The following TBC1D22A variants were observed in gnomAD, a reference collection of about 807,000 sequenced individuals.
TBC1D22A encodes putative GTPase activator.
Under a neutral mutation model 60.2 loss-of-function variants are expected in TBC1D22A, and 38 were observed. The observed-to-expected ratio is 0.63, with a 90% CI of 0.49 to 0.83. The LOEUF is 0.83. TBC1D22A is among the 40% of genes least tolerant of loss of function. The pLI is 0.00. For synonymous variants in TBC1D22A, 302 were observed against 281.7 expected (o/e 1.07, Z -0.72); for missense variants, 628 against 701.0 (o/e 0.90, Z 1.18).
intron 4 of TBC1D22A, among the ~76,000 whole-genome samples, chr22:46,839,435 A>G (rs1198818078): frequency 6.6e-6 from 1 of 152,138 alleles, no homozygotes; most frequent in East Asian, 1.9e-4. Flanking sequence ...CAGTTGGTAA[A>G]AGGAAATAAA....
chr22:46,857,654 A>C (rs1182633422), intron 4 of TBC1D22A, among the ~76,000 whole-genome samples: 2 of 148,094 alleles, frequency 1.4e-5, no homozygotes. Flanking sequence ...GTCGTTCCCC[A>C]CTCCCCCAAT....
chr22:46,807,835 G>GCTCAT (rs1385165113), intron 4 of TBC1D22A, among the ~76,000 whole-genome samples: 1 of 152,208 alleles, frequency 6.6e-6, no homozygotes, highest in African/African-American at 2.4e-5. Context: ...AGGTGAAGTA[G>GCTCAT]CTCATACTTG....
At chr22:46,897,875 T>C (rs1263354226) in intron 7 of TBC1D22A, among the ~76,000 whole-genome samples, 2 of 150,986 alleles carry the variant, frequency 1.3e-5, no homozygotes, top group Middle Eastern at 6.4e-3. Context: ...CGTTTAAACT[T>C]TGACATTTCT....
At chr22:46,808,829 C>T (rs61551941) in intron 4 of TBC1D22A, among the ~76,000 whole-genome samples, 1,534 of 152,272 alleles carry the variant, frequency 0.01, 23 homozygotes, top group African/African-American at 0.035. Context: ...CTCCTGACCT[C>T]GTGATCCACC....
intron 8 of TBC1D22A, among the ~76,000 whole-genome samples, chr22:46,920,431 A>G (rs2070684791): frequency 6.6e-6 from 1 of 152,186 alleles, no homozygotes; most frequent in African/African-American, 2.4e-5. Flanking sequence ...TCCTATGACA[A>G]TTATACCTTA....
At chr22:47,039,935 CTTTTTT>C (rs570751261) in intron 11 of TBC1D22A, among the ~76,000 whole-genome samples, 8 of 77,282 alleles carry the variant, frequency 1.0e-4, no homozygotes, top group African/African-American at 2.5e-4. Flanking sequence ...GTGCCACAGC[CTTTTTT>C]TTTTTTTTTT....
At chr22:46,781,731 CTTGTGCACA>C (rs1298548732) in intron 1 of TBC1D22A, among the ~76,000 whole-genome samples, 1 of 152,204 alleles carries the variant, frequency 6.6e-6, no homozygotes, top group Non-Finnish European at 1.5e-5. Context: ...TATCTTGTCC[CTTGTGCACA>C]TTGTTCCACT....
At chr22:47,077,056 G>GTAA (rs570245441) in intron 11 of TBC1D22A, among the ~76,000 whole-genome samples, 2 of 152,208 alleles carry the variant, frequency 1.3e-5, no homozygotes, top group South Asian at 4.1e-4. Context: ...TTGGCAAAAT[G>GTAA]TAATCACATG....
chr22:46,984,402 A>G (rs1044251478), intron 9 of TBC1D22A, among the ~76,000 whole-genome samples: 15 of 140,502 alleles, frequency 1.1e-4, no homozygotes, highest in African/African-American at 4.3e-4. Context: ...AAAAAAAAAA[A>G]AAAAGAGAAG....
intron 7 of TBC1D22A, among the ~76,000 whole-genome samples, chr22:46,902,158 G>A (rs541467257): frequency 1.3e-5 from 2 of 152,222 alleles, no homozygotes; most frequent in Non-Finnish European, 2.9e-5. Flanking sequence ...GGAGAGTGCT[G>A]TTGAGGTTTT....
At chr22:47,076,355 G>GTGTGTGTGTATATATATATATATA (rs1462693147) in intron 11 of TBC1D22A, among the ~76,000 whole-genome samples, 82 of 71,194 alleles carry the variant, frequency 1.2e-3, no homozygotes, top group African/African-American at 4.3e-3. Context: ...ATATATATAT[G>GTGTGTGTGTATATATATATATATA]TGTGTGTATA....
chr22:46,978,521 A>G (rs2074392487), intron 9 of TBC1D22A, among the ~76,000 whole-genome samples: 1 of 152,146 alleles, frequency 6.6e-6, no homozygotes, highest in African/African-American at 2.4e-5. Context: ...TCTACATTCA[A>G]TTTGTTGTGG....
At chr22:46,874,182 C>A (rs915819773) in intron 4 of TBC1D22A, among the ~76,000 whole-genome samples, 1 of 152,144 alleles carries the variant, frequency 6.6e-6, no homozygotes, top group Non-Finnish European at 1.5e-5. Context: ...TGGAGTCTCT[C>A]ATTGATGGGC....
At chr22:47,051,169 G>T (rs1337117211) in intron 11 of TBC1D22A, among the ~76,000 whole-genome samples, 1 of 152,168 alleles carries the variant, frequency 6.6e-6, no homozygotes, top group African/African-American at 2.4e-5. Context: ...AGCTGAGGGA[G>T]TGGGAGCAGG....
rs965154960 is a variant in TBC1D22A at position 47,009,686 on chromosome 22, T to A, written c.1201+11977T>A. Among the ~76,000 whole-genome samples, 8 of 150,746 alleles carry A rather than the reference T, an allele frequency of 5.3e-5. No individual in the cohort carries two copies. Among genetic ancestry groups the A allele is most frequent in the African/African-American group, 1.7e-4 (7 of 40,942 alleles). ...TCATCATCACTATCACCAGCATCAT[T>A]TCATCACCATCACCACCACCATCAT... On this transcript the variant is annotated intron_variant, in intron 10 of 12. Coordinates refer to ENST00000337137, the MANE Select transcript of TBC1D22A (RefSeq NM_014346.5). This position sits in a 1 kb window ranked among gnomAD's most constrained non-coding sequence, Gnocchi z 5.8.
intron 12 of TBC1D22A, among the ~76,000 whole-genome samples, chr22:47,129,942 C>A (rs558120525): frequency 6.6e-6 from 1 of 152,202 alleles, no homozygotes; most frequent in Non-Finnish European, 1.5e-5. Flanking sequence ...ATTTGTACAG[C>A]GGAAGAGGGA....
At chr22:46,763,030 A>G (rs1026782342) in intron 1 of TBC1D22A, among the ~76,000 whole-genome samples, 182 bp downstream of exon 1, 8 of 151,846 alleles carry the variant, frequency 5.3e-5, no homozygotes, top group Non-Finnish European at 1.0e-4. Context: ...TCTGGGGGTG[A>G]CAGTGGCTGC....
chr22:46,814,512 C>G (rs951335839), intron 4 of TBC1D22A, among the ~76,000 whole-genome samples: 76 of 152,324 alleles, frequency 5.0e-4, no homozygotes, highest in African/African-American at 1.8e-3. Context: ...TAAACTACCA[C>G]CCTGGATTCC....
At chr22:46,858,493 CG>C (rs1173142309) in intron 4 of TBC1D22A, among the ~76,000 whole-genome samples, 20 of 152,182 alleles carry the variant, frequency 1.3e-4, no homozygotes, top group Admixed American at 5.2e-4. Context: ...GTGTATCTCA[CG>C]GATGACCAAG....
Sources: allele counts gnomAD v4.1 joint callset (sites outside exome capture counted in the v4.1 genomes callset), GRCh38; gene constraint gnomAD v4.1.1; non-coding constraint Gnocchi (gnomAD v3.1); transcripts MANE v1.5; gene names NCBI Gene and HGNC (gene_info 2026-07-23, HGNC 2026-07-21).